CSMD1: variants seen among roughly 807,000 people sequenced by gnomAD.
CSMD1 encodes CUB and sushi domain-containing protein 1.
Under a neutral mutation model 417.5 loss-of-function variants are expected in CSMD1, and 213 were observed. The ratio of observed to expected loss-of-function variants is 0.51; its 90% CI spans 0.46 to 0.57. The LOEUF is 0.57. Among genes scored for constraint, CSMD1 ranks in the 20% least tolerant of loss-of-function variants. The probability of loss-of-function intolerance (pLI) is 0.00; values close to 1 mark genes in which losing one functional copy is unlikely to be tolerated. For missense variants in CSMD1, 6,923 were observed against 4,529.7 expected (o/e 1.53, Z -15.17); for synonymous variants, 2,862 against 1,736.8 (o/e 1.65, Z -16.11).
rs80229676 is a variant in CSMD1 at position 4,169,436 on chromosome 8, C to T, written c.416-137337G>A. On this transcript the variant is annotated intron_variant, in intron 3 of 69. Coordinates refer to ENST00000635120, the MANE Select transcript of CSMD1 (RefSeq NM_033225.6). ...CTTTTTCTCACATCCCACCTTTAAT[C>T]TTTCAGCTAGTTTTCTTCAACATAT... Among the ~76,000 whole-genome samples, 166 of 152,260 alleles carry T rather than the reference C, an allele frequency of 1.1e-3. 2 individuals are homozygous for T. The highest frequency in any genetic ancestry group is 3.9e-3 in the African/African-American group (160 of 41,522).
chr8:4,035,493 C>G (rs1432834189), intron 3 of CSMD1, among the ~76,000 whole-genome samples: 3 of 152,196 alleles, frequency 2.0e-5, no homozygotes, highest in African/African-American at 7.2e-5. Flanking sequence ...AAGCTCCATA[C>G]CTGTCCTTGC....
intron 5 of CSMD1, among the ~76,000 whole-genome samples, chr8:3,935,024 C>G (rs1810387946): frequency 6.6e-6 from 1 of 152,118 alleles, no homozygotes; most frequent in South Asian, 2.1e-4. Context: ...AGTATCTGAA[C>G]TCCAAAGCTA....
chr8:3,403,297 C>T (rs574703194), intron 15 of CSMD1, among the ~76,000 whole-genome samples: 57 of 152,106 alleles, frequency 3.7e-4, no homozygotes, highest in Admixed American at 3.5e-3. Flanking sequence ...TGCTTCATTG[C>T]TATTTTATTT....
chr8:3,576,592 G>C (rs1039108193), intron 9 of CSMD1, among the ~76,000 whole-genome samples: 1 of 152,152 alleles, frequency 6.6e-6, no homozygotes, highest in African/African-American at 2.4e-5. Flanking sequence ...CTTTTAAAAT[G>C]CTGGCATTTA....
At chr8:3,654,738 G>C (rs1798019459) in intron 7 of CSMD1, among the ~76,000 whole-genome samples, 1 of 152,196 alleles carries the variant, frequency 6.6e-6, no homozygotes, top group Non-Finnish European at 1.5e-5. Flanking sequence ...AGGTGATGAA[G>C]TGCTCCAGGG....
intron 1 of CSMD1, among the ~76,000 whole-genome samples, chr8:4,922,500 T>G (rs1012242390): frequency 6.6e-6 from 1 of 152,242 alleles, no homozygotes; most frequent in East Asian, 1.9e-4. Flanking sequence ...TACCTTAAAA[T>G]TTGACTCGTT....
chr8:3,851,874 A>AC (rs1803932877), intron 5 of CSMD1, among the ~76,000 whole-genome samples: 1 of 152,150 alleles, frequency 6.6e-6, no homozygotes, highest in Admixed American at 6.5e-5. Context: ...ATGCAAAGCC[A>AC]GTGGGCTCCA....
At chr8:3,366,685 A>T (rs981468038) in intron 20 of CSMD1, among the ~76,000 whole-genome samples, 1 of 152,266 alleles carries the variant, frequency 6.6e-6, no homozygotes, top group Admixed American at 6.5e-5. Flanking sequence ...GACCCAGAGG[A>T]TGCCTCCCAA....
At chr8:3,242,970 T>C (rs1799641575) in intron 26 of CSMD1, among the ~76,000 whole-genome samples, 1 of 152,010 alleles carries the variant, frequency 6.6e-6, no homozygotes, top group South Asian at 2.1e-4. Context: ...GTCCCTGCAA[T>C]GGGGAGGCTG....
chr8:3,308,825 G>A (rs1292163381), intron 23 of CSMD1, among the ~76,000 whole-genome samples: 1 of 144,472 alleles, frequency 6.9e-6, no homozygotes, highest in Non-Finnish European at 1.5e-5. Context: ...CCAGGTTCAA[G>A]TGATTCTCCT....
At chr8:3,392,113 G>C (rs1417831022) in intron 17 of CSMD1, among the ~76,000 whole-genome samples, 20 of 127,234 alleles carry the variant, frequency 1.6e-4, no homozygotes, top group Non-Finnish European at 2.8e-4. Flanking sequence ...TTGTGCGGTG[G>C]GGGGAGGGGG....
chr8:4,592,245 C>T (rs979470997), intron 2 of CSMD1, among the ~76,000 whole-genome samples: 1 of 150,886 alleles, frequency 6.6e-6, no homozygotes, highest in African/African-American at 2.4e-5. Context: ...TATCTAGTTG[C>T]AGTAACTAAA....
chr8:3,715,955 C>T (rs750052333), intron 6 of CSMD1, among the ~76,000 whole-genome samples: 1 of 152,192 alleles, frequency 6.6e-6, no homozygotes, highest in Non-Finnish European at 1.5e-5. Context: ...TGGAGGAAAC[C>T]CCTCAGATGA....
intron 2 of CSMD1, among the ~76,000 whole-genome samples, chr8:4,471,629 G>A (rs1800538829): frequency 6.6e-6 from 1 of 152,044 alleles, no homozygotes; most frequent in Non-Finnish European, 1.5e-5. Flanking sequence ...CTAACTCTGC[G>A]GCGACTGGTT....
At chr8:4,942,325 A>G (rs1808059376) in intron 1 of CSMD1, among the ~76,000 whole-genome samples, 1 of 151,886 alleles carries the variant, frequency 6.6e-6, no homozygotes, top group Non-Finnish European at 1.5e-5. Flanking sequence ...CCTAACTCTG[A>G]CAGATAGAAT....
intron 52 of CSMD1, among the ~76,000 whole-genome samples, chr8:3,014,350 G>C (rs150671314): frequency 1.2e-4 from 18 of 152,278 alleles, no homozygotes; most frequent in African/African-American, 3.9e-4. Context: ...GAATATGCTT[G>C]GGTATCTGCT....
chr8:4,575,933 C>T (rs1182456259), intron 2 of CSMD1, among the ~76,000 whole-genome samples: 1 of 152,156 alleles, frequency 6.6e-6, no homozygotes, highest in Non-Finnish European at 1.5e-5. Context: ...TCAAACAATC[C>T]CACAGCACAT....
chr8:4,575,781 C>T (rs1386735889), intron 2 of CSMD1, among the ~76,000 whole-genome samples: 1 of 152,192 alleles, frequency 6.6e-6, no homozygotes, highest in Admixed American at 6.5e-5. Flanking sequence ...TCAACAATTG[C>T]TGGTCTCATC....
At chr8:4,096,965 A>G (rs1360714409) in intron 3 of CSMD1, among the ~76,000 whole-genome samples, 1 of 152,238 alleles carries the variant, frequency 6.6e-6, no homozygotes, top group Non-Finnish European at 1.5e-5. Context: ...TGTGTGAGCC[A>G]GTGAGTAAAT....
Sources: gnomAD v4.1 joint callset for allele counts (sites outside exome capture counted in the v4.1 genomes callset) on GRCh38, gnomAD v4.1.1 for gene constraint, MANE v1.5 for transcripts, NCBI Gene and HGNC (gene_info 2026-07-23, HGNC 2026-07-21) for gene names.